DLGAP4: variants seen among roughly 807,000 people sequenced by gnomAD.
DLGAP4 encodes disks large-associated protein 4.
Under a neutral mutation model 86.9 loss-of-function variants are expected in DLGAP4, and 18 were observed. That is an observed-to-expected ratio of 0.21 (90% CI 0.14 to 0.31). The LOEUF is 0.31. Ranked by LOEUF, DLGAP4 falls within the 10% of genes least tolerant of loss-of-function variation. The pLI is 1.00. For synonymous variants in DLGAP4, 548 were observed against 574.3 expected, an observed-to-expected ratio of 0.95 and a Z score of 0.65; for missense variants, 1,085 against 1,362.6, an observed-to-expected ratio of 0.80 and a Z score of 3.21.
chr20:36,332,937 C>T (rs572925317), intron 1 of DLGAP4, among the ~76,000 whole-genome samples: 1 of 152,330 alleles, frequency 6.6e-6, no homozygotes, highest in South Asian at 2.1e-4. Flanking sequence ...AAAGAGGAAG[C>T]TCCAGACAGG....
intron 7 of DLGAP4, among the ~76,000 whole-genome samples, chr20:36,471,430 G>A (rs948541030): frequency 2.0e-5 from 3 of 152,144 alleles, no homozygotes; most frequent in African/African-American, 7.2e-5. Flanking sequence ...GGAGGCGGAG[G>A]TTGCAGTGAG....
intron 2 of DLGAP4, among the ~76,000 whole-genome samples, chr20:36,415,834 G>T (rs576646857): frequency 5.9e-5 from 9 of 152,292 alleles, no homozygotes; most frequent in African/African-American, 2.2e-4. Context: ...CTCAAGTGGT[G>T]GTCCCCAGGT....
chr20:36,525,616 GGAGTGCCTTCCTTGCCACA>G, intron 11 of DLGAP4: 1 of 591,448 alleles, frequency 1.7e-6, no homozygotes. Flanking sequence ...ATTAGGGACA[GGAGTGCCTTCCTTGCCACA>G]GCCCTTAGAC....
chr20:36,461,667 GGCCC>G, intron 7 of DLGAP4: 1 of 46,664 alleles, frequency 2.1e-5, no homozygotes, highest in Non-Finnish European at 2.6e-5. Flanking sequence ...CGCCCCGCCC[GGCCC>G]GGCCCGGCCC....
At chr20:36,445,719 C>T (rs1008050680) in intron 6 of DLGAP4, among the ~76,000 whole-genome samples, 6 of 152,210 alleles carry the variant, frequency 3.9e-5, no homozygotes, top group African/African-American at 9.6e-5. Context: ...CAACCTTTTC[C>T]TCCACATGGT....
rs530582187 is a variant in DLGAP4, at chr20:36,355,298, CTT to C, written c.-303-11733_-303-11732del. Among the ~76,000 whole-genome samples, 741 of 134,942 alleles carry C rather than the reference CTT, an allele frequency of 5.5e-3. 9 individuals carry two copies. Among genetic ancestry groups the C allele is most frequent in the African/African-American group, 0.021 (678 of 32,900 alleles). The allele number at this position is 134,942 out of a possible 152,430, so 88.5% of individuals were successfully genotyped here. A position where few individuals can be genotyped will look rare whatever the true frequency, so the allele number is the denominator to read the frequency against. ...CTTGTTCTTTTTTCTTTCTTTCTTTCTTTTTTTTTTTTTTTAAGAGACAGGGT... is the reference window on the plus strand; with the variant it reads ...CTTGTTCTTTTTTCTTTCTTTCTTTCTTTTTTTTTTTTTAAGAGACAGGGT... On this transcript the variant is annotated intron_variant, in intron 1 of 12. Transcript: ENST00000339266.
intron 7 of DLGAP4, among the ~76,000 whole-genome samples, chr20:36,476,857 C>G (rs2034964674): frequency 6.6e-6 from 1 of 151,638 alleles, no homozygotes; most frequent in Non-Finnish European, 1.5e-5. Flanking sequence ...CCATACCCGG[C>G]TAATTTTGTG....
chr20:36,460,916 C>T (rs890899093), intron 7 of DLGAP4, among the ~76,000 whole-genome samples: 3 of 152,244 alleles, frequency 2.0e-5, no homozygotes, highest in Non-Finnish European at 4.4e-5. Flanking sequence ...GATTGGAACC[C>T]AATCTCTAGG....
At chr20:36,471,232 T>A in intron 7 of DLGAP4, among the ~76,000 whole-genome samples, 1 of 152,212 alleles carries the variant, frequency 6.6e-6, no homozygotes. Flanking sequence ...CTCATGCCTG[T>A]AATCCCAGCA....
intron 8 of DLGAP4, chr20:36,497,690 T>C: frequency 1.0e-6 from 1 of 976,540 alleles, no homozygotes; most frequent in Non-Finnish European, 1.2e-6. Context: ...GTCCAGGCGA[T>C]GGTTCCCCAG....
At chr20:36,448,702 G>A (rs1211343777) in intron 7 of DLGAP4, among the ~76,000 whole-genome samples, 1 of 152,092 alleles carries the variant, frequency 6.6e-6, no homozygotes, top group African/African-American at 2.4e-5. Flanking sequence ...GTGAAGCCAA[G>A]GTGGGCAGAT....
chr20:36,431,578 G>A lies in DLGAP4; in HGVS notation c.-72-68G>A. On this transcript the variant is annotated intron_variant, in intron 2 of 12. Transcript: ENST00000339266. The surrounding 1 kb of genome is among the most constrained non-coding windows in gnomAD (Gnocchi z 5.1). ...CCTCCCAGCCTTGCGATCTGGATCT[G>A]ACCTTCCCGGCACCCCTCCCCGACA... 1 of 963,430 alleles carries A rather than the reference G, an allele frequency of 1.0e-6. No homozygotes were observed. The highest frequency in any genetic ancestry group is 1.7e-5 in the South Asian group (1 of 57,300). The allele number at this position is 963,430 out of a possible 1,614,324, so 59.7% of individuals were successfully genotyped here.
intron 2 of DLGAP4, among the ~76,000 whole-genome samples, chr20:36,404,676 C>T (rs1000299895): frequency 2.0e-5 from 3 of 152,216 alleles, no homozygotes; most frequent in African/African-American, 4.8e-5. Flanking sequence ...TGACATCAGT[C>T]TTCCCCACAA....
At chr20:36,420,479 T>C (rs1327049958) in intron 2 of DLGAP4, among the ~76,000 whole-genome samples, 1 of 151,970 alleles carries the variant, frequency 6.6e-6, no homozygotes, top group Non-Finnish European at 1.5e-5. Flanking sequence ...ACCATCCATG[T>C]CCCAAGGACA....
chr20:36,525,216 CAAAAAAAAAAAAAAAAAAAAAAAAAAA>C (rs1159616185), intron 11 of DLGAP4, among the ~76,000 whole-genome samples: 3 of 28,472 alleles, frequency 1.1e-4, no homozygotes, highest in African/African-American at 3.1e-4. Context: ...GACTCCGTCT[CAAAAAAAAAAAAAAAAAAAAAAAAAAA>C]AAAAAAAAAA....
chr20:36,354,994 A>C (rs1235718283), intron 1 of DLGAP4, among the ~76,000 whole-genome samples: 1 of 152,140 alleles, frequency 6.6e-6, no homozygotes, highest in Non-Finnish European at 1.5e-5. Flanking sequence ...CAAAACAAGC[A>C]ACTTTATGGA....
At position 36,495,786 on chromosome 20, in the gene DLGAP4, G is replaced by C. The variant is rs543308873; in HGVS notation, c.1649-919G>C. 7.9e-5 allele frequency among the ~76,000 whole-genome samples: 12 copies of C among 152,334 alleles called. No individual in the cohort carries two copies. The South Asian group carries it at 2.5e-3, about 32-fold the overall frequency. Reference sequence around the variant, plus strand: ...CCACTGTACGGGTTTCACATAACGAGAAAGTGTTGGGGTGGGAATGGCAAG... The same window carrying C: ...CCACTGTACGGGTTTCACATAACGACAAAGTGTTGGGGTGGGAATGGCAAG... On this transcript the variant is annotated intron_variant, in intron 7 of 12. Coordinates refer to ENST00000339266, the MANE Select transcript of DLGAP4 (RefSeq NM_001365621.2).
At chr20:36,499,073 C>T (rs953402867) in intron 8 of DLGAP4, 38 of 666,556 alleles carry the variant, frequency 5.7e-5, no homozygotes, top group Non-Finnish European at 2.0e-5. Context: ...GTGCAGGCGC[C>T]TCTGGCCTGC....
At chr20:36,380,327 T>A (rs1166354081) in intron 2 of DLGAP4, among the ~76,000 whole-genome samples, 1 of 151,622 alleles carries the variant, frequency 6.6e-6, no homozygotes, top group Non-Finnish European at 1.5e-5. Context: ...GGAGGATCAC[T>A]TGAGCCCAGG....
Sources: allele counts gnomAD v4.1 joint callset (sites outside exome capture counted in the v4.1 genomes callset), GRCh38; gene constraint gnomAD v4.1.1; non-coding constraint Gnocchi (gnomAD v3.1); transcripts MANE v1.5; gene names NCBI Gene and HGNC (gene_info 2026-07-23, HGNC 2026-07-21).